Variants in KIF13B observed in about 807,000 individuals in gnomAD.
The protein encoded by KIF13B is kinesin-like protein KIF13B.
A neutral mutation model predicts 222.0 loss-of-function variants in KIF13B; 127 were observed. The observed-to-expected ratio is 0.57, with a 90% CI of 0.50 to 0.66. KIF13B has a LOEUF of 0.66. Among genes scored for constraint, KIF13B ranks in the 30% least tolerant of loss-of-function variants. KIF13B has a pLI of 0.00. For missense variants in KIF13B, 2,173 were observed against 2,379.0 expected, an observed-to-expected ratio of 0.91 and a Z score of 1.80; for synonymous variants, 976 against 919.0, an observed-to-expected ratio of 1.06 and a Z score of -1.12.
At position 29,119,033 on chromosome 8, in the gene KIF13B, C is replaced by T. The variant is rs373129074; in HGVS notation, c.3536-41G>A. 1.4e-5 allele frequency: 22 copies of T among 1,592,530 alleles called. No individual in the cohort carries two copies. In the African/African-American group the frequency reaches 2.7e-4, roughly 20 times the overall value. ...TTCCATTAAATACTGAGATCATTTT[C>T]AAGGATAACCCCTACCAGCTAAATT... On this transcript the variant is annotated intron_variant, in intron 29 of 39. Coordinates refer to ENST00000524189, the MANE Select transcript of KIF13B (RefSeq NM_015254.4).
chr8:29,115,602 A>G (rs1183068919), intron 31 of KIF13B, among the ~76,000 whole-genome samples: 20 of 152,206 alleles, frequency 1.3e-4, no homozygotes, highest in Admixed American at 1.3e-3. Flanking sequence ...TTGGGATTAC[A>G]GGCATAAGCC....
intron 2 of KIF13B, among the ~76,000 whole-genome samples, chr8:29,205,977 A>C (rs955831138): frequency 4.6e-5 from 7 of 151,800 alleles, no homozygotes; most frequent in Non-Finnish European, 7.4e-5. Flanking sequence ...TGTGGTCCTC[A>C]ATACTTGGGA....
intron 37 of KIF13B, among the ~76,000 whole-genome samples, chr8:29,078,994 C>T (rs1429378332): frequency 6.6e-6 from 1 of 152,200 alleles, no homozygotes; most frequent in Non-Finnish European, 1.5e-5. Flanking sequence ...TACATGAACA[C>T]ATGGGAGATG....
Position 29,123,348 on chromosome 8 carries a change from G to A in KIF13B, c.3479+18C>T, listed in dbSNP as rs775245607. 2.5e-5 allele frequency: 41 copies of A among 1,612,658 alleles called. No homozygotes were observed. In the Admixed American group the frequency reaches 3.2e-4, roughly 12 times the overall value. ...GGTGAGCGTTCAGACCTCACAAGAC[G>A]CACCACAGGGTTCATACCATTCTGC... On this transcript the variant is annotated intron_variant, in intron 28 of 39. Transcript: ENST00000524189.
intron 7 of KIF13B, 44 bp from the exon 8 acceptor site, chr8:29,180,282 A>G: frequency 6.3e-7 from 1 of 1,594,496 alleles, no homozygotes; most frequent in Non-Finnish European, 8.6e-7. Flanking sequence ...TTACTTGTGT[A>G]ATACACACTA....
chr8:29,238,590 C>T (rs747637336), intron 2 of KIF13B, among the ~76,000 whole-genome samples: 31 of 152,202 alleles, frequency 2.0e-4, no homozygotes, highest in Non-Finnish European at 4.3e-4. Context: ...AACCTTTACG[C>T]TGTCTATTGT....
intron 2 of KIF13B, among the ~76,000 whole-genome samples, chr8:29,205,249 C>G (rs1813878086): frequency 6.6e-6 from 1 of 152,024 alleles, no homozygotes; most frequent in African/African-American, 2.4e-5. Flanking sequence ...CTGTATTGAT[C>G]AAAAGTAGAA....
At chr8:29,138,474 T>C (rs1810663111) in intron 21 of KIF13B, 1 of 152,140 alleles carries the variant, frequency 6.6e-6, no homozygotes, top group Non-Finnish European at 1.5e-5. Context: ...GAAATGACAA[T>C]AGAATTATAG....
At chr8:29,118,581 C>T (rs1027937877) in intron 30 of KIF13B, among the ~76,000 whole-genome samples, 1 of 152,140 alleles carries the variant, frequency 6.6e-6, no homozygotes, top group African/African-American at 2.4e-5. Context: ...CCCCTGCTTC[C>T]ATCTCTCACT....
intron 3 of KIF13B, among the ~76,000 whole-genome samples, chr8:29,192,738 A>G (rs1012809988): frequency 4.6e-5 from 7 of 152,190 alleles, no homozygotes; most frequent in African/African-American, 1.7e-4. Flanking sequence ...AATAATGCAT[A>G]CTGATATCCA....
intron 38 of KIF13B, among the ~76,000 whole-genome samples, chr8:29,073,421 C>T (rs1049722880): frequency 2.6e-5 from 4 of 152,154 alleles, no homozygotes; most frequent in South Asian, 4.1e-4. Flanking sequence ...GAGCAGCCAC[C>T]GCTTGCCCAA....
rs201619761 is a variant in KIF13B at position 29,095,988 on chromosome 8, T to TG, written c.4325-3111_4325-3110insC. On this transcript the variant is annotated intron_variant, in intron 36 of 39. Transcript: ENST00000524189. ...GTGTTTTTTTTTGTTTGTTTTTTGT[T>TG]TTTTTTTTTTTAAGACAGAGTCTCA... Among the ~76,000 whole-genome samples, 1,409 of 148,344 alleles carry TG rather than the reference T, an allele frequency of 9.5e-3. 19 individuals are homozygous for TG. The highest frequency in any genetic ancestry group is 0.033 in the African/African-American group (1,316 of 40,240).
intron 14 of KIF13B, among the ~76,000 whole-genome samples, chr8:29,153,222 C>T (rs948449252): frequency 6.6e-6 from 1 of 152,188 alleles, no homozygotes; most frequent in South Asian, 2.1e-4. Context: ...ACCATTACAG[C>T]CAATAATGAA....
intron 2 of KIF13B, among the ~76,000 whole-genome samples, chr8:29,232,650 T>C (rs1158337762): frequency 1.3e-5 from 2 of 152,206 alleles, no homozygotes; most frequent in Non-Finnish European, 2.9e-5. Context: ...ATTACATTAC[T>C]GTAAACTTTC....
chr8:29,099,364 G>T, intron 35 of KIF13B, 123 bp from the exon 36 acceptor site: 1 of 661,464 alleles, frequency 1.5e-6, no homozygotes, highest in African/African-American at 1.8e-5. Flanking sequence ...ATATAAGCTT[G>T]ATTACATCAG....
chr8:29,071,325 G>T lies in KIF13B; in HGVS notation c.5218+295C>A, dbSNP rs1807263073. The stretch of plus-strand genomic sequence containing the variant: ...TGAAGGATGAGAAAGCAGAGCCCAG[G>T]GAGTGCAGAGGGCAGGGGAGACCGG... On this transcript the variant is annotated intron_variant, in intron 39 of 39. Coordinates refer to ENST00000524189, the MANE Select transcript of KIF13B (RefSeq NM_015254.4). The surrounding 1 kb of genome is among the most constrained non-coding windows in gnomAD (Gnocchi z 4.9). 6.6e-6 allele frequency among the ~76,000 whole-genome samples: 1 copy of T among 152,168 alleles called. No individual in the cohort carries two copies. The highest frequency in any genetic ancestry group is 2.4e-5 in the African/African-American group (1 of 41,436).
chr8:29,225,507 T>C (rs548676860), intron 2 of KIF13B, among the ~76,000 whole-genome samples: 4 of 152,176 alleles, frequency 2.6e-5, no homozygotes, highest in South Asian at 2.1e-4. Context: ...GAAGATACAG[T>C]GGAGGTGTGC....
At chr8:29,233,858 G>A (rs1815390267) in intron 2 of KIF13B, among the ~76,000 whole-genome samples, 1 of 152,118 alleles carries the variant, frequency 6.6e-6, no homozygotes, top group Non-Finnish European at 1.5e-5. Flanking sequence ...TGTCTCTGAA[G>A]TACATGTGTG....
chr8:29,204,669 C>T (rs1211349551), intron 2 of KIF13B, among the ~76,000 whole-genome samples: 1 of 152,070 alleles, frequency 6.6e-6, no homozygotes, highest in Non-Finnish European at 1.5e-5. Flanking sequence ...TCATTTTAAT[C>T]ATGGCAAATT....
Sources: allele counts gnomAD v4.1 joint callset (sites outside exome capture counted in the v4.1 genomes callset), GRCh38; gene constraint gnomAD v4.1.1; non-coding constraint Gnocchi (gnomAD v3.1); transcripts MANE v1.5; gene names NCBI Gene and HGNC (gene_info 2026-07-23, HGNC 2026-07-21).